The following AGAP2 variants were observed in gnomAD, a reference collection of about 807,000 sequenced individuals.
AGAP2 encodes the protein ArfGAP with GTPase domain, ankyrin repeat and PH domain 2.
AGAP2 carries 32 observed loss-of-function variants against 110.9 expected under a neutral mutation model. The ratio of observed to expected loss-of-function variants is 0.29; its 90% CI spans 0.22 to 0.39. The LOEUF is 0.39. Ranked by LOEUF, AGAP2 falls within the 10% of genes least tolerant of loss-of-function variation. AGAP2 has a pLI of 1.00. For synonymous variants in AGAP2, 702 were observed against 713.0 expected (o/e 0.98, Z 0.25); for missense variants, 1,285 against 1,638.5 (o/e 0.78, Z 3.72).
At position 57,726,658 on chromosome 12, in the gene AGAP2, G is replaced by C. The variant is rs945379341; in HGVS notation, c.3473C>G (p.Thr1158Arg). 1.0e-4 allele frequency: 122 copies of C among 1,203,852 alleles called. No individual in the cohort carries two copies. Among genetic ancestry groups the C allele is most frequent in the Non-Finnish European group, 1.2e-4 (114 of 969,702 alleles). 74.6% of individuals were successfully genotyped at this position (1,203,852 alleles called of 1,614,324 possible). A position where few individuals can be genotyped will look rare whatever the true frequency, so the allele number is the denominator to read the frequency against. ...GCTGGGCGTGGTGGCCGCGCTGGGC[G>C]TGGTGGCCGCGCTGCCGCCCTCACC... ...CPGEGGSAAT[T>R]PSAATTPSIT... The change falls in exon 19 of 19, where the codon ACG (threonine) becomes AGG (arginine). Residue 1158 changes from threonine (T) to arginine (R), a missense_variant. Physicochemically the swap from Thr to Arg is moderately conservative, Grantham distance 71. Coordinates refer to ENST00000547588, the MANE Select transcript of AGAP2 (RefSeq NM_001122772.3). The surrounding 1 kb of genome is among the most constrained non-coding windows in gnomAD (Gnocchi z 5.7).
chr12:57,738,121 G>A lies in AGAP2; in HGVS notation c.126C>T (p.Ala42=), dbSNP rs904551820. The change falls in exon 1 of 19, where the codon GCC becomes GCT. Residue 42 remains alanine (A), a synonymous_variant. Coordinates refer to ENST00000547588, the MANE Select transcript of AGAP2 (RefSeq NM_001122772.3). The surrounding 1 kb of genome is among the most constrained non-coding windows in gnomAD (Gnocchi z 6.7). ...PSPSAAAAGA[A]GARGSETGDP... ...CCCCAGTCTCGGAGCCTCTGGCACC[G>A]GCGGCGCCGGCCGCGGCCGCAGACG... The A allele has an allele frequency of 2.6e-6, 4 of 1,520,358 alleles. No homozygotes were observed. The African/African-American group carries it at 4.2e-5, about 16-fold the overall frequency. 94.2% of individuals were successfully genotyped at this position (1,520,358 alleles called of 1,614,324 possible). A position where few individuals can be genotyped will look rare whatever the true frequency, so the allele number is the denominator to read the frequency against.
chr12:57,730,348 T>C (rs1954861483), intron 12 of AGAP2, 147 bp downstream of exon 12: 1 of 1,119,194 alleles, frequency 8.9e-7, no homozygotes, highest in African/African-American at 1.6e-5. Context: ...ATGATAGACA[T>C]GGTATGATTG....
In AGAP2 at chr12:57,737,029, G is replaced by A; in HGVS notation, c.1168+50C>T. On this transcript the variant is annotated intron_variant, in intron 1 of 18. Transcript: ENST00000547588. This position sits in a 1 kb window ranked among gnomAD's most constrained non-coding sequence, Gnocchi z 5.9. ...ACCTCGCTCCTCCACCCCAAGCTGA[G>A]CATTCCAGGTACCCTTCCCTCCCTG... 6.9e-7 allele frequency: 1 copy of A among 1,456,214 alleles called. No individual in the cohort carries two copies. Among genetic ancestry groups the A allele is most frequent in the Non-Finnish European group, 9.1e-7 (1 of 1,102,612 alleles). 90.2% of individuals were successfully genotyped at this position (1,456,214 alleles called of 1,614,324 possible). A position where few individuals can be genotyped will look rare whatever the true frequency, so the allele number is the denominator to read the frequency against.
chr12:57,727,366 G>A lies in AGAP2; in HGVS notation c.3074C>T (p.Ser1025Phe). 1 of 1,610,256 alleles carries A rather than the reference G, an allele frequency of 6.2e-7. No individual in the cohort carries two copies. Among genetic ancestry groups the A allele is most frequent in the Non-Finnish European group, 8.5e-7 (1 of 1,178,602 alleles). ...TCTGTTCCCTCACGCTTACCGCGAA[G>A]AGTCCCGCGAGGGCTTGGCACGGCC... ...TRGRAKPSRD[S>F]SREERESWIR... Residue 1025 changes from serine (S) to phenylalanine (F), a missense_variant, in exon 17 of 19, where the codon TCT becomes TTT. Ser to Phe is a radical substitution (Grantham distance 155). Transcript: ENST00000547588.
Position 57,737,372 on chromosome 12 carries a change from G to A in AGAP2, c.875C>T (p.Pro292Leu), listed in dbSNP as rs1317788576. 2 of 1,613,878 alleles carry A rather than the reference G, an allele frequency of 1.2e-6. No homozygotes were observed. The highest frequency in any genetic ancestry group is 1.7e-5 in the Admixed American group (1 of 60,038). The change falls in exon 1 of 19, where the codon CCG becomes CTG. Residue 292 changes from proline to leucine, a missense_variant. This residue lies in a region of AGAP2 where 844 missense variants were observed against 941.2 expected (regional missense o/e 0.90). Transcript: ENST00000547588. The surrounding 1 kb of genome is among the most constrained non-coding windows in gnomAD (Gnocchi z 5.9). ...ACTCGGAGTTGGTGGGAGGGTTAGC[G>A]GAGGAGGAGAGCCGGCAGGCGGTCC... ...HPGPPAGSPPPLTLPPTPSPA... is the reference protein window; with the variant it reads ...HPGPPAGSPPLLTLPPTPSPA...
chr12:57,737,702 G>T lies in AGAP2; in HGVS notation c.545C>A (p.Pro182His). ...GCAAGGCTTGGGAGCCGGCGGAGGAGGCGCCACCTTGAGCCTCCGGCTGCC... is the reference window on the plus strand; with the variant it reads ...GCAAGGCTTGGGAGCCGGCGGAGGATGCGCCACCTTGAGCCTCCGGCTGCC... ...GTGSRRLKVA[P>H]PPPAPKPCKT... is the part of the protein sequence containing the mutation. Residue 182 changes from proline to histidine, a missense_variant, in exon 1 of 19, where the codon CCT (proline) becomes CAT (histidine). Pro to His is a moderately conservative substitution (Grantham distance 77). Around this residue, in one of 7 missense-constraint regions of AGAP2, gnomAD observed 844 missense variants for 941.2 expected, o/e 0.90. Transcript: ENST00000547588. This position sits in a 1 kb window ranked among gnomAD's most constrained non-coding sequence, Gnocchi z 5.9. 14 of 1,549,912 alleles carry T rather than the reference G, an allele frequency of 9.0e-6. No individual in the cohort carries two copies. Among genetic ancestry groups the T allele is most frequent in the Non-Finnish European group, 1.2e-5 (14 of 1,150,752 alleles).
At chr12:57,735,269 A>G (rs1954957723) in intron 2 of AGAP2, 100 bp downstream of exon 2, 1 of 1,098,722 alleles carries the variant, frequency 9.1e-7, no homozygotes, top group Non-Finnish European at 1.3e-6. Context: ...CCTATTCCCA[A>G]AGAGAGAGAG....
chr12:57,729,183 AAAAAAAAAAAGAAAAG>A (rs914507084), intron 13 of AGAP2, among the ~76,000 whole-genome samples: 8 of 151,142 alleles, frequency 5.3e-5, no homozygotes, highest in Non-Finnish European at 7.4e-5. Flanking sequence ...CTCAAAAAAA[AAAAAAAAAAAGAAAAG>A]AAAAAAAAAA....
chr12:57,729,602 T>C (rs1305455546), intron 13 of AGAP2, 37 bp downstream of exon 13: 7 of 1,596,872 alleles, frequency 4.4e-6, no homozygotes, highest in Non-Finnish European at 8.5e-7. Context: ...GGGATGAGGG[T>C]TCTGGGTGGG....
intron 5 of AGAP2, among the ~76,000 whole-genome samples, chr12:57,733,694 C>T (rs1293330790): frequency 6.6e-6 from 1 of 152,208 alleles, no homozygotes; most frequent in Non-Finnish European, 1.5e-5. Context: ...CCTATCCACC[C>T]TAGGACTTGA....
chr12:57,730,119 TATA>T (rs1453917167), intron 12 of AGAP2, among the ~76,000 whole-genome samples: 3 of 83,224 alleles, frequency 3.6e-5, no homozygotes, highest in East Asian at 6.1e-4. Context: ...ATACTATATA[TATA>T]TATTTTTTTT....
At chr12:57,740,873 T>C (rs1447766070), upstream of AGAP2, among the ~76,000 whole-genome samples, 6 of 152,174 alleles carry the variant, frequency 3.9e-5, no homozygotes, top group East Asian at 1.2e-3. Flanking sequence ...AGTTATACTC[T>C]GGTGTACTAG....
chr12:57,739,155 G>T (rs1955046229), upstream of AGAP2, among the ~76,000 whole-genome samples: 4 of 152,146 alleles, frequency 2.6e-5, no homozygotes, highest in African/African-American at 9.7e-5. Flanking sequence ...CCAAGGTTAG[G>T]AAGCGCGATT....
intron 12 of AGAP2, 63 bp from the exon 13 acceptor site, chr12:57,729,830 G>A: frequency 1.9e-6 from 3 of 1,543,928 alleles, no homozygotes; most frequent in Non-Finnish European, 1.7e-6. Flanking sequence ...TTTCTTGATA[G>A]CCTGTCTCAT....
At chr12:57,728,514 G>T in intron 13 of AGAP2, 137 bp from the exon 14 acceptor site, 2 of 890,858 alleles carry the variant, frequency 2.2e-6, no homozygotes, top group Non-Finnish European at 3.5e-6. Flanking sequence ...GACAAAGCAG[G>T]ACAGACAGAT....
Position 57,726,513 on chromosome 12 carries a change from G to C in AGAP2, c.*39C>G. On this transcript the variant is annotated 3_prime_UTR_variant, in exon 19 of 19. Transcript: ENST00000547588. This position sits in a 1 kb window ranked among gnomAD's most constrained non-coding sequence, Gnocchi z 5.7. Reference sequence around the variant, plus strand: ...CGGTCCGCCCGGTGTGGTCGTGCCCGGCCCGCGTGGGGATGGGGGTGTCTC... The same window carrying C: ...CGGTCCGCCCGGTGTGGTCGTGCCCCGCCCGCGTGGGGATGGGGGTGTCTC... The C allele has an allele frequency of 1.7e-6, 2 of 1,199,922 alleles. No individual in the cohort carries two copies. The highest frequency in any genetic ancestry group is 2.1e-6 in the Non-Finnish European group (2 of 966,068). The allele number at this position is 1,199,922 out of a possible 1,614,324, so 74.3% of individuals were successfully genotyped here.
Position 57,728,091 on chromosome 12 carries a change from TG to T in AGAP2, c.2618-7del, listed in dbSNP as rs767486032. On this transcript the variant is annotated splice_region_variant and splice_polypyrimidine_tract_variant and intron_variant, in intron 14 of 18. Transcript: ENST00000547588. ...CAGGAACTCAAAGTTTTCCTCTGAGTGGGGGATGGGATGGGGTCATTAAGGG... is the reference window on the plus strand; with the variant it reads ...CAGGAACTCAAAGTTTTCCTCTGAGTGGGGATGGGATGGGGTCATTAAGGG... The T allele has an allele frequency of 1.7e-5, 27 of 1,586,524 alleles. No individual in the cohort carries two copies. Among genetic ancestry groups the T allele is most frequent in the Non-Finnish European group, 2.3e-5 (27 of 1,166,436 alleles).
In AGAP2 at chr12:57,731,603, T is replaced by G; in HGVS notation, c.1993A>C (p.Ser665Arg). 2 of 1,614,180 alleles carry G rather than the reference T, an allele frequency of 1.2e-6. No homozygotes were observed. The highest frequency in any genetic ancestry group is 1.7e-6 in the Non-Finnish European group (2 of 1,180,026). Residue 665 changes from serine (S) to arginine (R), a missense_variant, in exon 9 of 19, where the codon AGT becomes CGT. Transcript: ENST00000547588. ...GSDSEKRSLDSRGETTGSGRA... is the reference protein window; with the variant it reads ...GSDSEKRSLDRRGETTGSGRA... ...CCACTCCCTGTTGTCTCTCCCCGAC[T>G]ATCCAAGCTTCGTTTCTCGGAGTCA... is the stretch of plus-strand genomic sequence containing the variant.
intron 10 of AGAP2, among the ~76,000 whole-genome samples, 196 bp downstream of exon 10, chr12:57,731,170 A>G (rs1348592288): frequency 6.6e-6 from 1 of 152,180 alleles, no homozygotes; most frequent in African/African-American, 2.4e-5. Context: ...CTAGACTGCA[A>G]GTTCCTGGGG....
Sources: allele counts gnomAD v4.1 joint callset (sites outside exome capture counted in the v4.1 genomes callset), GRCh38; gene constraint gnomAD v4.1.1; regional missense constraint gnomAD v4.1.1; non-coding constraint Gnocchi (gnomAD v3.1); transcripts MANE v1.5; gene names NCBI Gene and HGNC (gene_info 2026-07-23, HGNC 2026-07-21).